Variants in TENM2 observed in about 807,000 individuals in gnomAD.
TENM2 encodes teneurin-2.
A neutral mutation model predicts 245.2 loss-of-function variants in TENM2; 52 were observed. The observed-to-expected ratio is 0.21, with a 90% CI of 0.17 to 0.27. The LOEUF (loss-of-function observed/expected upper bound fraction) is 0.27, where lower values mean the gene tolerates loss of function less well. Among genes scored for constraint, TENM2 ranks in the 10% least tolerant of loss-of-function variants. The pLI is 1.00. For synonymous variants in TENM2, 1,363 were observed against 1,438.9 expected (o/e 0.95, Z 1.19); for missense variants, 3,046 against 3,666.8 (o/e 0.83, Z 4.37).
At chr5:167,366,812 T>G (rs1384302125) in intron 1 of TENM2, among the ~76,000 whole-genome samples, 1 of 152,108 alleles carries the variant, frequency 6.6e-6, no homozygotes, top group Non-Finnish European at 1.5e-5. Flanking sequence ...AAAAATTGTT[T>G]ATGGAGGAAG....
chr5:167,258,370 AG>A, the TENM2 span, among the ~76,000 whole-genome samples: 1 of 151,994 alleles, frequency 6.6e-6, no homozygotes, highest in Non-Finnish European at 1.5e-5. Flanking sequence ...AAATGTCCAG[AG>A]GAATGTGGCT....
chr5:168,023,498 T>C (rs963623197), intron 5 of TENM2, among the ~76,000 whole-genome samples: 5 of 152,136 alleles, frequency 3.3e-5, no homozygotes, highest in Admixed American at 2.0e-4. Context: ...CTCCTCTCAC[T>C]GGCCTGCCCA....
chr5:167,306,189 G>T, intron 1 of TENM2: 1 of 152,300 alleles, frequency 6.6e-6, no homozygotes. Context: ...GATTCGGTAA[G>T]AATTATAGAT....
At chr5:168,112,796 T>G (rs1794785026) in intron 9 of TENM2, among the ~76,000 whole-genome samples, 1 of 152,110 alleles carries the variant, frequency 6.6e-6, no homozygotes, top group African/African-American at 2.4e-5. Flanking sequence ...TTGCCTGGCC[T>G]CCATGACCTA....
intron 2 of TENM2, among the ~76,000 whole-genome samples, chr5:167,839,876 G>GAA (rs1769335689): frequency 6.6e-6 from 1 of 152,170 alleles, no homozygotes; most frequent in African/African-American, 2.4e-5. Flanking sequence ...GGAGTGCAGT[G>GAA]GCACGGTCTT....
chr5:167,208,626 G>A, the TENM2 span, among the ~76,000 whole-genome samples: 33,214 of 152,102 alleles, frequency 0.22, 4,473 homozygotes, highest in African/African-American at 0.38. Flanking sequence ...GTTGTCTTCT[G>A]AGGTTTTCAT....
chr5:168,179,156 AGAAG>A (rs1759635314), intron 13 of TENM2, among the ~76,000 whole-genome samples: 1 of 134,586 alleles, frequency 7.4e-6, no homozygotes, highest in Non-Finnish European at 1.6e-5. Context: ...AAAAAAAAAA[AGAAG>A]CTTTGAGGTA....
chr5:167,781,633 G>A (rs1371517631), intron 2 of TENM2, among the ~76,000 whole-genome samples: 2 of 152,138 alleles, frequency 1.3e-5, no homozygotes. Flanking sequence ...TGAGTATGTG[G>A]CCATTCTAAA....
chr5:167,011,527 T>A, the TENM2 span, among the ~76,000 whole-genome samples: 1 of 152,330 alleles, frequency 6.6e-6, no homozygotes, highest in East Asian at 1.9e-4. Context: ...GTAGTGTTCT[T>A]TGCGTACTTG....
the TENM2 span, among the ~76,000 whole-genome samples, chr5:167,221,748 G>A: frequency 6.6e-6 from 1 of 152,240 alleles, no homozygotes; most frequent in East Asian, 1.9e-4. Context: ...GTGAGGAGTG[G>A]GAGGTAGAAA....
intron 2 of TENM2, among the ~76,000 whole-genome samples, chr5:167,621,513 G>C (rs938287330): frequency 1.3e-5 from 2 of 152,008 alleles, no homozygotes; most frequent in African/African-American, 4.8e-5. Context: ...TCTATGCTGT[G>C]GTAAAGATAA....
rs566366897 is a variant in TENM2, at chr5:168,180,812, G to A, written c.2570-9525G>A. Among the ~76,000 whole-genome samples, 7 of 152,120 alleles carry A rather than the reference G, an allele frequency of 4.6e-5. No individual in the cohort carries two copies. The East Asian group carries it at 1.4e-3, about 29-fold the overall frequency. ...AGCTACTCAGGAGACTAAGGCAGGA[G>A]AATCACTTGAACCCAGGAGGCAGAG... On this transcript the variant is annotated intron_variant, in intron 13 of 28. Transcript: ENST00000518659.
At chr5:167,699,983 T>A (rs1012903784) in intron 2 of TENM2, among the ~76,000 whole-genome samples, 1 of 152,202 alleles carries the variant, frequency 6.6e-6, no homozygotes, top group Non-Finnish European at 1.5e-5. Context: ...TGAATTCACT[T>A]CTGTAAATGC....
chr5:167,407,986 G>A (rs539200346), intron 2 of TENM2, among the ~76,000 whole-genome samples: 16 of 152,210 alleles, frequency 1.1e-4, no homozygotes, highest in African/African-American at 3.4e-4. Context: ...GATCACATCC[G>A]TACTTGGAAG....
intron 2 of TENM2, among the ~76,000 whole-genome samples, chr5:167,409,043 C>A (rs1762775394): frequency 6.6e-6 from 1 of 151,176 alleles, no homozygotes; most frequent in African/African-American, 2.4e-5. Flanking sequence ...ACTAAGGTAA[C>A]CTCATTGATT....
intron 2 of TENM2, among the ~76,000 whole-genome samples, chr5:167,784,260 AC>A (rs1358541495): frequency 2.0e-5 from 3 of 152,124 alleles, no homozygotes; most frequent in African/African-American, 7.2e-5. Flanking sequence ...AAATGGGGAA[AC>A]AAATAGTGAT....
intron 2 of TENM2, among the ~76,000 whole-genome samples, chr5:167,733,345 G>T (rs1760572113): frequency 6.6e-6 from 1 of 152,150 alleles, no homozygotes; most frequent in African/African-American, 2.4e-5. Context: ...GGATCTGCTT[G>T]TAACATCTGA....
Position 168,218,809 on chromosome 5 carries a change from C to T in TENM2, c.4918C>T (p.Arg1640Trp), listed in dbSNP as rs748056747. The T allele has an allele frequency of 1.7e-5, 28 of 1,613,840 alleles. No individual in the cohort carries two copies. Among genetic ancestry groups the T allele is most frequent in the African/African-American group, 1.2e-4 (9 of 74,904 alleles). ...TAATGGGAATTCCCTGAAGATCCGT[C>T]GGGACAGCAGTGGCATGCCCCGTCA... Residue 1640 changes from arginine (R) to tryptophan (W), a missense_variant, in exon 23 of 29, where the codon CGG (arginine) becomes TGG (tryptophan). Around this residue, in one of 2 missense-constraint regions of TENM2, gnomAD observed 2,704 missense variants for 3,331.9 expected, o/e 0.81. Coordinates refer to ENST00000518659, the Ensembl canonical transcript of TENM2. The surrounding 1 kb of genome is among the most constrained non-coding windows in gnomAD (Gnocchi z 5.2).
At chr5:167,428,111 C>A (rs1763989305) in intron 2 of TENM2, among the ~76,000 whole-genome samples, 1 of 152,144 alleles carries the variant, frequency 6.6e-6, no homozygotes. Context: ...AAGTCTTTTA[C>A]TATCTCAATT....
Sources: allele counts gnomAD v4.1 joint callset (sites outside exome capture counted in the v4.1 genomes callset), GRCh38; gene constraint gnomAD v4.1.1; regional missense constraint gnomAD v4.1.1; non-coding constraint Gnocchi (gnomAD v3.1); transcripts MANE v1.5; gene names NCBI Gene and HGNC (gene_info 2026-07-23, HGNC 2026-07-21).